Variants in PARN observed in about 807,000 individuals in gnomAD.
The protein encoded by PARN is poly(A)-specific ribonuclease PARN.
In PARN, 71 loss-of-function variants were observed where a neutral mutation model predicts 102.8. The observed-to-expected ratio is 0.69, with a 90% CI of 0.57 to 0.84. The LOEUF (loss-of-function observed/expected upper bound fraction) is 0.84, where lower values mean the gene tolerates loss of function less well. Among genes scored for constraint, PARN ranks in the 40% least tolerant of loss-of-function variants. The pLI is 0.00. For missense variants in PARN, 782 were observed against 760.9 expected (o/e 1.03, Z -0.33); for synonymous variants, 261 against 252.9 (o/e 1.03, Z -0.30).
At chr16:14,556,151 T>A (rs925597159) in intron 18 of PARN, among the ~76,000 whole-genome samples, 10 of 147,948 alleles carry the variant, frequency 6.8e-5, no homozygotes, top group African/African-American at 2.5e-4. Context: ...TTATTATTAT[T>A]ACTATTATTA....
chr16:14,447,306 AATAG>A (rs1308704860), intron 22 of PARN, among the ~76,000 whole-genome samples: 6 of 152,240 alleles, frequency 3.9e-5, no homozygotes, highest in Non-Finnish European at 8.8e-5. Flanking sequence ...TATGCTTGTA[AATAG>A]ATATACACAA....
chr16:14,479,625 A>T lies in PARN; in HGVS notation c.1670+3013T>A, dbSNP rs554049472. Among the ~76,000 whole-genome samples, 8 of 152,276 alleles carry T rather than the reference A, an allele frequency of 5.3e-5. No individual in the cohort carries two copies. The East Asian group carries it at 1.5e-3, about 29-fold the overall frequency. On this transcript the variant is annotated intron_variant, in intron 22 of 23. Transcript: ENST00000437198. ...GCTTTCTGGTTTTAAGACACTATAAACCAACAGTAATAAGATAGTGTGGTA... is the reference window on the plus strand; with the variant it reads ...GCTTTCTGGTTTTAAGACACTATAATCCAACAGTAATAAGATAGTGTGGTA...
chr16:14,589,164 A>G (rs1317899253), intron 13 of PARN, among the ~76,000 whole-genome samples: 7 of 151,742 alleles, frequency 4.6e-5, no homozygotes, highest in Non-Finnish European at 1.0e-4. Flanking sequence ...TGGGCCACAG[A>G]GCAAGACTCT....
chr16:14,584,060 C>T (rs1969693497), intron 16 of PARN, among the ~76,000 whole-genome samples: 1 of 152,162 alleles, frequency 6.6e-6, no homozygotes, highest in African/African-American at 2.4e-5. Flanking sequence ...AAGGGCACAT[C>T]AAGTTTTAGG....
At chr16:14,506,770 T>C (rs568197513) in intron 21 of PARN, among the ~76,000 whole-genome samples, 57 of 151,678 alleles carry the variant, frequency 3.8e-4, no homozygotes, top group African/African-American at 1.3e-3. Flanking sequence ...GCAGGAGGAC[T>C]GCCTGAGCCC....
intron 21 of PARN, among the ~76,000 whole-genome samples, chr16:14,549,920 A>T (rs961691675): frequency 6.6e-6 from 1 of 152,208 alleles, no homozygotes; most frequent in Non-Finnish European, 1.5e-5. Flanking sequence ...GGTTTACATA[A>T]CCTGCCCAAA....
intron 10 of PARN, 66 bp downstream of exon 10, chr16:14,606,418 A>G (rs1971186045): frequency 1.1e-6 from 1 of 879,458 alleles, no homozygotes; most frequent in East Asian, 2.8e-5. Flanking sequence ...AGAAAAAAAA[A>G]AGAAACCCCT....
rs1218169486 is a variant in PARN, at chr16:14,630,207, G to C, written c.-82C>G. ...CTACTCGCCGAATTCCGCGGCGACT[G>C]CGGCAGTAGCTGAGGCAGCCGCAGC... On this transcript the variant is annotated 5_prime_UTR_variant, in exon 1 of 24. Transcript: ENST00000437198. 4 of 1,263,286 alleles carry C rather than the reference G, an allele frequency of 3.2e-6. No homozygotes were observed. The highest frequency in any genetic ancestry group is 4.5e-6 in the Non-Finnish European group (4 of 896,386). 78.3% of individuals were successfully genotyped at this position (1,263,286 alleles called of 1,614,324 possible).
At chr16:14,464,255 T>G (rs1240420285) in intron 22 of PARN, among the ~76,000 whole-genome samples, 2 of 151,944 alleles carry the variant, frequency 1.3e-5, no homozygotes. Flanking sequence ...CATAACCAAA[T>G]TACTCAAAAC....
intron 21 of PARN, among the ~76,000 whole-genome samples, chr16:14,532,487 TTGG>T (rs1244282350): frequency 2.6e-5 from 4 of 151,988 alleles, no homozygotes; most frequent in South Asian, 2.1e-4. Context: ...GAGCACAGGG[TTGG>T]GGGCAAGGTC....
intron 21 of PARN, among the ~76,000 whole-genome samples, chr16:14,496,861 A>G (rs1964342090): frequency 6.6e-6 from 1 of 152,202 alleles, no homozygotes; most frequent in South Asian, 2.1e-4. Flanking sequence ...TCTATATCCT[A>G]AAACATTAAT....
intron 23 of PARN, among the ~76,000 whole-genome samples, chr16:14,441,099 A>G (rs1418639742): frequency 6.6e-6 from 1 of 152,214 alleles, no homozygotes; most frequent in African/African-American, 2.4e-5. Flanking sequence ...TACTATGCTT[A>G]TAGTTAAGAT....
At chr16:14,583,526 T>C (rs1050526542) in intron 16 of PARN, among the ~76,000 whole-genome samples, 15 of 152,200 alleles carry the variant, frequency 9.9e-5, no homozygotes, top group Non-Finnish European at 1.5e-5. Context: ...AAATCAATTA[T>C]TTCCATTATA....
At chr16:14,621,064 A>G (rs1176918127) in intron 5 of PARN, among the ~76,000 whole-genome samples, 1 of 152,252 alleles carries the variant, frequency 6.6e-6, no homozygotes, top group African/African-American at 2.4e-5. Flanking sequence ...ATAGAAGCAC[A>G]TGCAAATCAC....
chr16:14,517,688 C>A (rs1426727216), intron 21 of PARN, among the ~76,000 whole-genome samples: 1 of 151,956 alleles, frequency 6.6e-6, no homozygotes, highest in African/African-American at 2.4e-5. Flanking sequence ...GTTATTTTTT[C>A]TTTTTTTGAG....
At chr16:14,437,921 C>T (rs1319180027) in intron 23 of PARN, among the ~76,000 whole-genome samples, 1 of 152,174 alleles carries the variant, frequency 6.6e-6, no homozygotes, top group Non-Finnish European at 1.5e-5. Context: ...AAGAGAATTT[C>T]AGCTAACATG....
intron 22 of PARN, among the ~76,000 whole-genome samples, chr16:14,465,258 G>A (rs1962261334): frequency 6.6e-6 from 1 of 151,948 alleles, no homozygotes; most frequent in Non-Finnish European, 1.5e-5. Context: ...TAATTTTTTG[G>A]CTTTTTGTAG....
intron 23 of PARN, among the ~76,000 whole-genome samples, chr16:14,446,126 C>T (rs955708338): frequency 1.3e-5 from 2 of 152,224 alleles, no homozygotes; most frequent in African/African-American, 4.8e-5. Context: ...TTTCCATGTG[C>T]TGACTGACAA....
chr16:14,604,305 G>A, intron 10 of PARN, 79 bp from the exon 11 acceptor site: 2 of 875,906 alleles, frequency 2.3e-6, no homozygotes, highest in Non-Finnish European at 3.6e-6. Context: ...TTGTTGCTCA[G>A]GCTGGAGTGC....
Sources: allele counts gnomAD v4.1 joint callset (sites outside exome capture counted in the v4.1 genomes callset), GRCh38; gene constraint gnomAD v4.1.1; transcripts MANE v1.5; gene names NCBI Gene and HGNC (gene_info 2026-07-23, HGNC 2026-07-21).